POLR2B: variants seen among roughly 807,000 people sequenced by gnomAD.
POLR2B encodes DNA-directed RNA polymerase II subunit RPB2.
A neutral mutation model predicts 144.6 loss-of-function variants in POLR2B; 57 were observed. The ratio of observed to expected loss-of-function variants is 0.39; its 90% CI spans 0.32 to 0.49. The LOEUF (loss-of-function observed/expected upper bound fraction) is 0.49, where lower values mean the gene tolerates loss of function less well. Among genes scored for constraint, POLR2B ranks in the 20% least tolerant of loss-of-function variants. The pLI is 0.83. For synonymous variants in POLR2B, 442 were observed against 469.8 expected (o/e 0.94, Z 0.77); for missense variants, 595 against 1,467.4 (o/e 0.41, Z 9.71).
intron 7 of POLR2B, among the ~76,000 whole-genome samples, chr4:57,002,389 T>C (rs1722881630): frequency 6.6e-6 from 1 of 152,150 alleles, no homozygotes. Context: ...TGTTGTCTTT[T>C]TGAGTATTAC....
chr4:57,017,211 A>G lies in POLR2B; in HGVS notation c.2124A>G (p.Ala708=), dbSNP rs1406929137. 11 of 1,612,912 alleles carry G rather than the reference A, an allele frequency of 6.8e-6. No homozygotes were observed. In the Admixed American group the frequency reaches 1.2e-4, roughly 17 times the overall value. Residue 708 remains alanine, a synonymous_variant, in exon 15 of 25, where the codon GCA becomes GCG. Transcript: ENST00000314595. This position sits in a 1 kb window ranked among gnomAD's most constrained non-coding sequence, Gnocchi z 4.8. ...CCTCAATGATCCTTGGTGTCTGTGC[A>G]TCTATTATTCCCTTTCCTGATCATA... is the stretch of plus-strand genomic sequence containing the variant. The part of the protein sequence containing the change: ...IHPSMILGVC[A]SIIPFPDHNQ...
At chr4:57,028,625 A>G (rs1723799345) in intron 23 of POLR2B, among the ~76,000 whole-genome samples, 1 of 152,334 alleles carries the variant, frequency 6.6e-6, no homozygotes, top group South Asian at 2.1e-4. Flanking sequence ...GAGTTCTGCT[A>G]AGGTGTCAGC....
At chr4:57,015,980 A>C (rs1456242695) in intron 14 of POLR2B, among the ~76,000 whole-genome samples, 1 of 152,072 alleles carries the variant, frequency 6.6e-6, no homozygotes. Flanking sequence ...GCTGGTCTTG[A>C]ACTCCTGGTC....
intron 2 of POLR2B, among the ~76,000 whole-genome samples, chr4:56,989,175 A>G (rs1722431789): frequency 6.6e-6 from 1 of 152,204 alleles, no homozygotes; most frequent in South Asian, 2.1e-4. Flanking sequence ...GTGTTTAAGC[A>G]CCATTCTAAT....
At position 56,990,897 on chromosome 4, in the gene POLR2B, C is replaced by T; in HGVS notation, c.242C>T (p.Pro81Leu). ...AQHASGEVEE[P>L]PRYLLKFEQI... ...CATGCTAGTGGAGAAGTTGAAGAAC[C>T]GGTAAGATAGTTCTAATAGTTACAC... Residue 81 changes from proline to leucine, a missense_variant and splice_region_variant, in exon 3 of 25, where the codon CCG becomes CTG. By Grantham distance (98) the Pro-to-Leu change is moderately conservative. Transcript: ENST00000314595. 2.5e-6 allele frequency: 4 copies of T among 1,609,112 alleles called. No individual in the cohort carries two copies. Among genetic ancestry groups the T allele is most frequent in the East Asian group, 2.2e-5 (1 of 44,750 alleles).
At chr4:56,988,851 GA>G (rs1186846503) in intron 2 of POLR2B, among the ~76,000 whole-genome samples, 1 of 152,104 alleles carries the variant, frequency 6.6e-6, no homozygotes, top group Non-Finnish European at 1.5e-5. Flanking sequence ...TCTCCCGGTA[GA>G]AAAAATATTT....
At position 56,978,976 on chromosome 4, in the gene POLR2B, G is replaced by T; in HGVS notation, c.-10G>T. The T allele has an allele frequency of 6.2e-7, 1 of 1,613,640 alleles. No homozygotes were observed. The highest frequency in any genetic ancestry group is 1.1e-5 in the South Asian group (1 of 91,070). On this transcript the variant is annotated 5_prime_UTR_variant, in exon 1 of 25. Coordinates refer to ENST00000314595, the MANE Select transcript of POLR2B (RefSeq NM_000938.3). ...TTCAAGAGTTAGGAGCTCGAGAACC[G>T]TTTGGCAATATGTACGACGCGGATG... is the stretch of plus-strand genomic sequence containing the variant.
chr4:56,999,501 G>A (rs3821994), intron 6 of POLR2B, 116 bp from the exon 7 acceptor site: 18,775 of 587,366 alleles, frequency 0.032, 1,870 homozygotes, highest in East Asian at 0.25. Flanking sequence ...ATTGGGAGGC[G>A]TGCTTCTTTT....
In POLR2B at chr4:57,031,043, G is replaced by T. The variant is rs1723904768; in HGVS notation, c.*55G>T. On this transcript the variant is annotated 3_prime_UTR_variant, in exon 25 of 25. Transcript: ENST00000314595. ...AATATCTTGGTGTCTTGTTTCTATTGTGTGGCTTTTTAAAAATGACAAATA... is the reference window on the plus strand; with the variant it reads ...AATATCTTGGTGTCTTGTTTCTATTTTGTGGCTTTTTAAAAATGACAAATA... 9.0e-7 allele frequency: 1 copy of T among 1,115,264 alleles called. No individual in the cohort carries two copies. The highest frequency in any genetic ancestry group is 1.4e-6 in the Non-Finnish European group (1 of 727,770). 69.1% of individuals were successfully genotyped at this position (1,115,264 alleles called of 1,614,324 possible). A position where few individuals can be genotyped will look rare whatever the true frequency, so the allele number is the denominator to read the frequency against.
chr4:57,028,164 G>A (rs1476049413), intron 23 of POLR2B, among the ~76,000 whole-genome samples: 2 of 152,106 alleles, frequency 1.3e-5, no homozygotes, highest in Non-Finnish European at 2.9e-5. Flanking sequence ...TAACATAGTT[G>A]GTGTCAGCTG....
intron 3 of POLR2B, 94 bp downstream of exon 3, chr4:56,990,992 A>G (rs1318957979): frequency 9.8e-7 from 1 of 1,024,344 alleles, no homozygotes; most frequent in Non-Finnish European, 1.4e-6. Context: ...AAAAAAAGTC[A>G]GTTGGAGCTT....
rs1723417315 is a variant in POLR2B, at chr4:57,017,769, T to G, written c.2323+41T>G. The G allele has an allele frequency of 1.3e-6, 2 of 1,505,846 alleles. No individual in the cohort carries two copies. Among genetic ancestry groups the G allele is most frequent in the African/African-American group, 2.8e-5 (2 of 72,140 alleles). The allele number at this position is 1,505,846 out of a possible 1,614,324, so 93.3% of individuals were successfully genotyped here. The stretch of plus-strand genomic sequence containing the variant: ...CTCTACGTTATTTAAGATCCTTCTG[T>G]GCTTAAGGCACTTTTCTGGGTGCTT... On this transcript the variant is annotated intron_variant, in intron 16 of 24. Transcript: ENST00000314595. This position sits in a 1 kb window ranked among gnomAD's most constrained non-coding sequence, Gnocchi z 4.8.
intron 17 of POLR2B, 59 bp from the exon 18 acceptor site, chr4:57,022,093 A>G (rs1723571208): frequency 2.2e-6 from 2 of 922,640 alleles, no homozygotes; most frequent in African/African-American, 3.4e-5. Flanking sequence ...TTGTTGGTAT[A>G]GTCTCAGCCC....
Position 57,007,274 on chromosome 4 carries a change from G to A in POLR2B, c.1404+272G>A, listed in dbSNP as rs141890292. Among the ~76,000 whole-genome samples, 440 of 152,198 alleles carry A rather than the reference G, an allele frequency of 2.9e-3. 1 individual carries two copies. The highest frequency in any genetic ancestry group is 0.01 in the African/African-American group (418 of 41,536). On this transcript the variant is annotated intron_variant, in intron 10 of 24. Transcript: ENST00000314595. ...AAGATACAAAAATTAGCTGGGCATG[G>A]TGGTGGGTGTCTGTAATCCCAGCTA...
At chr4:56,983,866 A>G (rs1722234406) in intron 1 of POLR2B, among the ~76,000 whole-genome samples, 1 of 145,278 alleles carries the variant, frequency 6.9e-6, no homozygotes, top group South Asian at 2.2e-4. Context: ...GAATATTCAT[A>G]TCACTTTTTT....
At chr4:56,998,699 A>G (rs1400909740) in intron 6 of POLR2B, among the ~76,000 whole-genome samples, 1 of 152,244 alleles carries the variant, frequency 6.6e-6, no homozygotes, top group Non-Finnish European at 1.5e-5. Flanking sequence ...GATAAGATCC[A>G]TGATGAAACA....
At chr4:57,000,853 G>A (rs910326255) in intron 7 of POLR2B, among the ~76,000 whole-genome samples, 1 of 151,340 alleles carries the variant, frequency 6.6e-6, no homozygotes, top group South Asian at 2.1e-4. Context: ...GTGCCACCAC[G>A]CCCAGCTAAT....
At chr4:56,979,222 C>T (rs1235342984) in intron 1 of POLR2B, among the ~76,000 whole-genome samples, 1 of 152,192 alleles carries the variant, frequency 6.6e-6, no homozygotes, top group African/African-American at 2.4e-5. Context: ...CACTGCTGCT[C>T]TCTGCACTTT....
Position 57,031,016 on chromosome 4 carries a change from TAA to T in POLR2B, c.*30_*31del, listed in dbSNP as rs1281362642. The stretch of plus-strand genomic sequence containing the variant: ...ATTTTACAGGAGTCAACAAGATAAT[TAA>T]ATATCTTGGTGTCTTGTTTCTATTG... On this transcript the variant is annotated 3_prime_UTR_variant, in exon 25 of 25. Coordinates refer to ENST00000314595, the MANE Select transcript of POLR2B (RefSeq NM_000938.3). 3 of 1,296,336 alleles carry T rather than the reference TAA, an allele frequency of 2.3e-6. No homozygotes were observed. 80.3% of individuals were successfully genotyped at this position (1,296,336 alleles called of 1,614,324 possible).
Sources: gnomAD v4.1 joint callset for allele counts (sites outside exome capture counted in the v4.1 genomes callset) on GRCh38, gnomAD v4.1.1 for gene constraint, Gnocchi (gnomAD v3.1) non-coding constraint, MANE v1.5 for transcripts, NCBI Gene and HGNC (gene_info 2026-07-23, HGNC 2026-07-21) for gene names.